The following MGST3 variants were observed in gnomAD, a reference collection of about 807,000 sequenced individuals.
The protein encoded by MGST3 is microsomal glutathione S-transferase 3.
A neutral mutation model predicts 15.8 loss-of-function variants in MGST3; 13 were observed. The ratio of observed to expected loss-of-function variants is 0.82; its 90% CI spans 0.54 to 1.31. The LOEUF (loss-of-function observed/expected upper bound fraction) is 1.31. MGST3 is among the 50% of genes most tolerant of loss of function. The pLI is 0.00. For synonymous variants in MGST3, 49 were observed against 68.1 expected, an observed-to-expected ratio of 0.72 and a Z score of 1.38; for missense variants, 155 against 192.4, an observed-to-expected ratio of 0.81 and a Z score of 1.15.
chr1:165,639,593 A>G (rs1274591116), intron 1 of MGST3, among the ~76,000 whole-genome samples: 1 of 152,180 alleles, frequency 6.6e-6, no homozygotes, highest in Admixed American at 6.5e-5. Flanking sequence ...GCTTGAGGTC[A>G]GGAGTTCGAG....
chr1:165,633,109 C>T (rs909214764), intron 1 of MGST3, among the ~76,000 whole-genome samples: 15 of 152,192 alleles, frequency 9.9e-5, no homozygotes, highest in Admixed American at 9.8e-4. Flanking sequence ...GTTTTTGCAG[C>T]TCAATTTATT....
At chr1:165,635,877 C>G (rs1270675116) in intron 1 of MGST3, 1 of 152,168 alleles carries the variant, frequency 6.6e-6, no homozygotes, top group Non-Finnish European at 1.5e-5. Flanking sequence ...CTTACTTGAA[C>G]CAGTAATCAA....
chr1:165,647,539 T>C (rs1469572962), intron 1 of MGST3: 2 of 152,138 alleles, frequency 1.3e-5, no homozygotes, highest in Non-Finnish European at 2.9e-5. Context: ...AATAGGAGTT[T>C]TGTGAAGAGT....
chr1:165,640,664 T>G (rs144151779), intron 1 of MGST3, among the ~76,000 whole-genome samples: 52 of 152,306 alleles, frequency 3.4e-4, no homozygotes, highest in Admixed American at 1.2e-3. Flanking sequence ...CACCAAAGTT[T>G]GAGAACCACT....
chr1:165,654,828 G>C (rs1452034690), intron 5 of MGST3, among the ~76,000 whole-genome samples: 1 of 151,998 alleles, frequency 6.6e-6, no homozygotes, highest in Non-Finnish European at 1.5e-5. Context: ...TTTTTATTGA[G>C]CATTTTCTAT....
intron 2 of MGST3, chr1:165,650,235 G>A (rs945776325): frequency 1.5e-5 from 7 of 478,104 alleles, no homozygotes; most frequent in African/African-American, 1.4e-4. Context: ...CTTCTGCTTG[G>A]AGCTATTTGC....
At chr1:165,646,063 A>C (rs765987485) in intron 1 of MGST3, 6 of 152,204 alleles carry the variant, frequency 3.9e-5, no homozygotes, top group Non-Finnish European at 5.9e-5. Flanking sequence ...CTGGTGACAC[A>C]GAGTAGGTAT....
At chr1:165,634,798 C>CTCCCTCTCCCTCCCTCCCT (rs1648065133) in intron 1 of MGST3, among the ~76,000 whole-genome samples, 3 of 20,414 alleles carry the variant, frequency 1.5e-4, no homozygotes, top group Non-Finnish European at 3.7e-4. Context: ...CCTCCCTCCC[C>CTCCCTCTCCCTCCCTCCCT]CCCACTCTCA....
intron 1 of MGST3, among the ~76,000 whole-genome samples, chr1:165,643,931 G>T (rs1200104048): frequency 6.6e-6 from 1 of 151,870 alleles, no homozygotes; most frequent in African/African-American, 2.4e-5. Context: ...GTCAATGTGT[G>T]CCTGCAGCCC....
intron 4 of MGST3, chr1:165,653,758 T>C (rs10918229): frequency 0.24 from 38,697 of 162,976 alleles, 6,276 homozygotes; most frequent in East Asian, 0.8. Flanking sequence ...AGCGCTCCCC[T>C]TCTTTCTAGT....
intron 4 of MGST3, among the ~76,000 whole-genome samples, chr1:165,652,548 G>A (rs566537298): frequency 1.5e-4 from 23 of 152,274 alleles, no homozygotes; most frequent in African/African-American, 4.3e-4. Context: ...AAGTGGGGAA[G>A]GTGGAAAGGG....
intron 1 of MGST3, among the ~76,000 whole-genome samples, chr1:165,639,997 G>C (rs1337155255): frequency 6.6e-6 from 1 of 152,168 alleles, no homozygotes; most frequent in Non-Finnish European, 1.5e-5. Flanking sequence ...TCATTCAGAA[G>C]TTGAGGTATG....
At chr1:165,651,335 T>TA (rs1648548828) in intron 3 of MGST3, 1 of 544,760 alleles carries the variant, frequency 1.8e-6, no homozygotes, top group African/African-American at 1.9e-5. Flanking sequence ...CATTACCTAC[T>TA]ACAGTTTTGC....
chr1:165,655,113 C>T (rs1000385728), intron 5 of MGST3, among the ~76,000 whole-genome samples: 48 of 152,166 alleles, frequency 3.2e-4, no homozygotes, highest in Non-Finnish European at 2.8e-4. Flanking sequence ...GGAACTCCTT[C>T]CAAAGGTCCT....
intron 1 of MGST3, among the ~76,000 whole-genome samples, chr1:165,642,107 T>G (rs963625890): frequency 3.3e-5 from 5 of 152,236 alleles, no homozygotes; most frequent in Admixed American, 3.3e-4. Context: ...AGTTTGTGAT[T>G]ATTGCTAGGA....
intron 1 of MGST3, among the ~76,000 whole-genome samples, chr1:165,635,084 T>C (rs1648071354): frequency 6.6e-6 from 1 of 151,444 alleles, no homozygotes; most frequent in Non-Finnish European, 1.5e-5. Context: ...TTCTCACCAT[T>C]CCCCTCCCCC....
chr1:165,649,916 C>A lies in MGST3; in HGVS notation c.69C>A (p.Ala23=). The part of the protein sequence containing the change: ...LTGAASFIMV[A]HLAINVSKAR... ...GTGCTGCCAGCTTTATAATGGTGGC[C>A]CACCTAGCCATCAATGTTTCCAAGG... is the stretch of plus-strand genomic sequence containing the variant. The change falls in exon 2 of 6, where the codon GCC becomes GCA. Residue 23 remains alanine (A), a synonymous_variant. Coordinates refer to ENST00000367889, the MANE Select transcript of MGST3 (RefSeq NM_004528.4). 6.2e-7 allele frequency: 1 copy of A among 1,614,088 alleles called. No individual in the cohort carries two copies. The highest frequency in any genetic ancestry group is 8.5e-7 in the Non-Finnish European group (1 of 1,180,020).
At chr1:165,651,946 A>C (rs571173699) in intron 3 of MGST3, 32 bp from the exon 4 acceptor site, 9 of 1,491,970 alleles carry the variant, frequency 6.0e-6, no homozygotes, top group Non-Finnish European at 8.4e-6. Context: ...TAAAAAGGGC[A>C]CTTTTTAAAA....
At chr1:165,646,733 G>GT (rs1164564493) in intron 1 of MGST3, 2 of 152,266 alleles carry the variant, frequency 1.3e-5, no homozygotes, top group Non-Finnish European at 2.9e-5. Context: ...CATTTATTCC[G>GT]TAAGTATCTA....
Sources: gnomAD v4.1 joint callset for allele counts (sites outside exome capture counted in the v4.1 genomes callset) on GRCh38, gnomAD v4.1.1 for gene constraint, MANE v1.5 for transcripts, NCBI Gene and HGNC (gene_info 2026-07-23, HGNC 2026-07-21) for gene names.